GALNT18: variants seen among roughly 807,000 people sequenced by gnomAD.
The protein encoded by GALNT18 is polypeptide N-acetylgalactosaminyltransferase 18, also known as GalNAc-transferase 18.
In GALNT18, 44 loss-of-function variants were observed where a neutral mutation model predicts 69.5. The ratio of observed to expected loss-of-function variants is 0.63; its 90% CI spans 0.50 to 0.81. The LOEUF is 0.81. Ranked by LOEUF, GALNT18 falls within the 40% of genes least tolerant of loss-of-function variation. GALNT18 has a pLI of 0.00. For synonymous variants in GALNT18, 364 were observed against 318.2 expected, an observed-to-expected ratio of 1.14 and a Z score of -1.53; for missense variants, 715 against 810.0, an observed-to-expected ratio of 0.88 and a Z score of 1.42.
intron 1 of GALNT18, among the ~76,000 whole-genome samples, chr11:11,560,497 T>A (rs1260699445): frequency 2.6e-5 from 4 of 152,176 alleles, no homozygotes; most frequent in Non-Finnish European, 4.4e-5. Flanking sequence ...AACGTGCAGA[T>A]CTCCTTGGTG....
At chr11:11,289,388 T>G (rs1485491420) in intron 10 of GALNT18, among the ~76,000 whole-genome samples, 1 of 152,210 alleles carries the variant, frequency 6.6e-6, no homozygotes, top group African/African-American at 2.4e-5. Context: ...AGTAGACATA[T>G]GCCAAAGTGG....
chr11:11,404,588 C>A lies in GALNT18; in HGVS notation c.596-25324G>T, dbSNP rs143489501. On this transcript the variant is annotated intron_variant, in intron 3 of 10. Coordinates refer to ENST00000227756, the MANE Select transcript of GALNT18 (RefSeq NM_198516.3). The surrounding 1 kb of genome is among the most constrained non-coding windows in gnomAD (Gnocchi z 4.5). ...GAGTGTATCTGAACCACGGCTCCAT[C>A]CAAACCTAAGCCCTCCGCCCCACCC... 1.3e-5 allele frequency among the ~76,000 whole-genome samples: 2 copies of A among 152,162 alleles called. No homozygotes were observed. Among genetic ancestry groups the A allele is most frequent in the African/African-American group, 2.4e-5 (1 of 41,424 alleles).
chr11:11,383,470 G>A lies in GALNT18; in HGVS notation c.596-4206C>T, dbSNP rs1853969060. On this transcript the variant is annotated intron_variant, in intron 3 of 10. Transcript: ENST00000227756. The surrounding 1 kb of genome is among the most constrained non-coding windows in gnomAD (Gnocchi z 5.2). ...CTAATGGGGCTTTGCTCTTTGGAAG[G>A]CAGGTGCACAGGCATTTTGTAAAAC... Among the ~76,000 whole-genome samples, 1 of 152,180 alleles carries A rather than the reference G, an allele frequency of 6.6e-6. No homozygotes were observed. The highest frequency in any genetic ancestry group is 1.5e-5 in the Non-Finnish European group (1 of 68,022).
intron 1 of GALNT18, among the ~76,000 whole-genome samples, chr11:11,483,455 ACGT>A (rs1185475658): frequency 6.6e-6 from 1 of 152,160 alleles, no homozygotes; most frequent in Non-Finnish European, 1.5e-5. Flanking sequence ...GACACTTGAA[ACGT>A]CTTGGTCGAA....
chr11:11,522,386 G>T (rs552020237), intron 1 of GALNT18, among the ~76,000 whole-genome samples: 2 of 152,288 alleles, frequency 1.3e-5, no homozygotes, highest in East Asian at 1.9e-4. Flanking sequence ...ATGGGGCCAG[G>T]CTTCAGGGTC....
intron 2 of GALNT18, among the ~76,000 whole-genome samples, chr11:11,443,344 G>A (rs148535180): frequency 2.8e-4 from 42 of 152,194 alleles, no homozygotes; most frequent in African/African-American, 9.9e-4. Flanking sequence ...TTCTTCAGTC[G>A]CTTTCTCACA....
intron 1 of GALNT18, among the ~76,000 whole-genome samples, chr11:11,462,458 A>T (rs79562894): frequency 0.071 from 10,701 of 150,560 alleles, 477 homozygotes; most frequent in African/African-American, 0.14. Flanking sequence ...TTATTTATTT[A>T]TTTTTTATTT....
At chr11:11,406,142 T>A (rs1854583148) in intron 3 of GALNT18, among the ~76,000 whole-genome samples, 1 of 152,252 alleles carries the variant, frequency 6.6e-6, no homozygotes, top group Admixed American at 6.5e-5. Flanking sequence ...AATAAAAATA[T>A]ATCTGTGAGA....
chr11:11,400,997 G>A lies in GALNT18; in HGVS notation c.596-21733C>T, dbSNP rs539329358. Reference sequence around the variant, plus strand: ...CCACATCTTCAATGGCTGAGGGTCGGCCGGGGCAGGAACGTAGGCAGTGCT... The same window carrying A: ...CCACATCTTCAATGGCTGAGGGTCGACCGGGGCAGGAACGTAGGCAGTGCT... On this transcript the variant is annotated intron_variant, in intron 3 of 10. Coordinates refer to ENST00000227756, the MANE Select transcript of GALNT18 (RefSeq NM_198516.3). Among the ~76,000 whole-genome samples, 7 of 152,304 alleles carry A rather than the reference G, an allele frequency of 4.6e-5. 1 individual carries two copies. Among genetic ancestry groups the A allele is most frequent in the African/African-American group, 1.7e-4 (7 of 41,564 alleles).
intron 2 of GALNT18, among the ~76,000 whole-genome samples, chr11:11,434,833 G>A (rs1046193951): frequency 6.6e-6 from 1 of 152,176 alleles, no homozygotes; most frequent in Non-Finnish European, 1.5e-5. Flanking sequence ...AAAGAAAAAT[G>A]TGAATACAAT....
In GALNT18 at chr11:11,389,575, T is replaced by A. The variant is rs1589961906; in HGVS notation, c.596-10311A>T. Among the ~76,000 whole-genome samples, 1 of 152,120 alleles carries A rather than the reference T, an allele frequency of 6.6e-6. No homozygotes were observed. The highest frequency in any genetic ancestry group is 2.1e-4 in the South Asian group (1 of 4,820). On this transcript the variant is annotated intron_variant, in intron 3 of 10. Coordinates refer to ENST00000227756, the MANE Select transcript of GALNT18 (RefSeq NM_198516.3). This position sits in a 1 kb window ranked among gnomAD's most constrained non-coding sequence, Gnocchi z 4.3. ...ATGCAGCAGGAATCACAGGACTTAC[T>A]AAAAATGCCATGATAGGTGACTGAT...
At chr11:11,558,964 C>T (rs1195349798) in intron 1 of GALNT18, among the ~76,000 whole-genome samples, 1 of 152,214 alleles carries the variant, frequency 6.6e-6, no homozygotes, top group Non-Finnish European at 1.5e-5. Context: ...GGAGTGAGCA[C>T]CATAGCCTGC....
chr11:11,414,845 T>C (rs1320245268), intron 3 of GALNT18, among the ~76,000 whole-genome samples: 1 of 152,172 alleles, frequency 6.6e-6, no homozygotes, highest in African/African-American at 2.4e-5. Context: ...TATTATCTCA[T>C]AGTTTCTATA....
At position 11,511,545 on chromosome 11, in the gene GALNT18, G is replaced by C. The variant is rs1857165778; in HGVS notation, c.236-62609C>G. Among the ~76,000 whole-genome samples, 1 of 152,186 alleles carries C rather than the reference G, an allele frequency of 6.6e-6. No homozygotes were observed. Among genetic ancestry groups the C allele is most frequent in the Non-Finnish European group, 1.5e-5 (1 of 68,044 alleles). ...TCACCCCTCAGAAAATCTGAGAAAA[G>C]GCTTGGACTATCTCTCCAGAAAATG... On this transcript the variant is annotated intron_variant, in intron 1 of 10. Coordinates refer to ENST00000227756, the MANE Select transcript of GALNT18 (RefSeq NM_198516.3). The surrounding 1 kb of genome is among the most constrained non-coding windows in gnomAD (Gnocchi z 4.9).
chr11:11,612,318 G>C (rs1186632914), intron 1 of GALNT18, among the ~76,000 whole-genome samples: 5 of 152,204 alleles, frequency 3.3e-5, no homozygotes, highest in Non-Finnish European at 7.3e-5. Context: ...TGACCTGCTA[G>C]CATACTGTAG....
chr11:11,419,510 T>C (rs1363706610), intron 3 of GALNT18, among the ~76,000 whole-genome samples: 1 of 146,184 alleles, frequency 6.8e-6, no homozygotes, highest in Non-Finnish European at 1.5e-5. Flanking sequence ...GGCATGAGAA[T>C]TGCTTGAACC....
intron 6 of GALNT18, among the ~76,000 whole-genome samples, chr11:11,366,884 C>G (rs979894842): frequency 1.1e-4 from 16 of 152,184 alleles, no homozygotes; most frequent in African/African-American, 2.9e-4. Flanking sequence ...AGGAAAAAAC[C>G]TAGGAGAGGG....
intron 6 of GALNT18, among the ~76,000 whole-genome samples, chr11:11,369,566 T>C (rs1184598677): frequency 6.6e-6 from 1 of 152,184 alleles, no homozygotes; most frequent in African/African-American, 2.4e-5. Context: ...TGAGATCACA[T>C]TCACAAGAGG....
chr11:11,526,773 G>A (rs1213690276), intron 1 of GALNT18, among the ~76,000 whole-genome samples: 2 of 152,142 alleles, frequency 1.3e-5, no homozygotes, highest in African/African-American at 4.8e-5. Context: ...AAAGTGACAT[G>A]TCACTTCTGC....
Sources: gnomAD v4.1 joint callset for allele counts (sites outside exome capture counted in the v4.1 genomes callset) on GRCh38, gnomAD v4.1.1 for gene constraint, Gnocchi (gnomAD v3.1) non-coding constraint, MANE v1.5 for transcripts, NCBI Gene and HGNC (gene_info 2026-07-23, HGNC 2026-07-21) for gene names.